The following HSF2 variants were observed in gnomAD, a reference collection of about 807,000 sequenced individuals.
HSF2 encodes heat shock transcription factor 2, also known as heat shock factor protein 2.
HSF2 carries 21 observed loss-of-function variants against 65.0 expected under a neutral mutation model. That is an observed-to-expected ratio of 0.32 (90% confidence interval 0.23 to 0.47). The LOEUF is 0.47. Among genes scored for constraint, HSF2 ranks in the 20% least tolerant of loss-of-function variants. The probability of loss-of-function intolerance (pLI) is 1.00; values close to 1 mark genes in which losing one functional copy is unlikely to be tolerated. For missense variants in HSF2, 499 were observed against 628.1 expected, an observed-to-expected ratio of 0.79 and a Z score of 2.20; for synonymous variants, 225 against 219.1, an observed-to-expected ratio of 1.03 and a Z score of -0.24.
At chr6:122,399,993 G>T (rs531658574) in intron 1 of HSF2, among the ~76,000 whole-genome samples, 163 bp downstream of exon 1, 1 of 152,192 alleles carries the variant, frequency 6.6e-6, no homozygotes, top group Non-Finnish European at 1.5e-5. Flanking sequence ...TGTATTGTTC[G>T]CTCGGGGAGC....
intron 10 of HSF2, among the ~76,000 whole-genome samples, chr6:122,426,322 C>A (rs1774338701): frequency 6.6e-6 from 1 of 152,038 alleles, no homozygotes; most frequent in Non-Finnish European, 1.5e-5. Context: ...GAGGCCTGGC[C>A]TTAGAATTCA....
chr6:122,431,684 G>GT (rs3085253), intron 12 of HSF2, among the ~76,000 whole-genome samples, 170 bp downstream of exon 12: 64,198 of 149,026 alleles, frequency 0.43, 13,899 homozygotes, highest in East Asian at 0.5. Flanking sequence ...AATTCTTTAA[G>GT]TTTTTTTTTT....
At chr6:122,428,630 C>G (rs917288255) in intron 11 of HSF2, among the ~76,000 whole-genome samples, 6 of 151,742 alleles carry the variant, frequency 4.0e-5, no homozygotes, top group Non-Finnish European at 7.4e-5. Flanking sequence ...TTTATTTGTA[C>G]CAAATTGTTT....
chr6:122,430,127 C>T (rs1046110898), intron 11 of HSF2, among the ~76,000 whole-genome samples: 5 of 152,052 alleles, frequency 3.3e-5, no homozygotes, highest in South Asian at 2.1e-4. Flanking sequence ...GCTGTGAATC[C>T]GTCTGGTCCT....
At chr6:122,413,102 A>G (rs977997820) in intron 3 of HSF2, among the ~76,000 whole-genome samples, 1 of 152,016 alleles carries the variant, frequency 6.6e-6, no homozygotes, top group Admixed American at 6.6e-5. Context: ...TTTTTAATGC[A>G]TAATATCTTT....
In HSF2 at chr6:122,415,097, A is replaced by T. The variant is rs17259607; in HGVS notation, c.456-1124A>T. 9.6e-3 allele frequency among the ~76,000 whole-genome samples: 1,462 copies of T among 152,328 alleles called. 9 individuals carry two copies. Among genetic ancestry groups the T allele is most frequent in the Non-Finnish European group, 0.016 (1,067 of 68,036 alleles). Reference sequence around the variant, plus strand: ...TTGTGGAGAATAACAAAAGATGGAAAATTAAAGCATTTAATAGGTATTCAG... The same window carrying T: ...TTGTGGAGAATAACAAAAGATGGAATATTAAAGCATTTAATAGGTATTCAG... On this transcript the variant is annotated intron_variant, in intron 4 of 12. Coordinates refer to ENST00000368455, the MANE Select transcript of HSF2 (RefSeq NM_004506.4).
chr6:122,422,841 C>G lies in HSF2; in HGVS notation c.954C>G (p.Gly318=). Residue 318 remains glycine, a synonymous_variant, in exon 9 of 13, where the codon GGC becomes GGG. Transcript: ENST00000368455. Reference sequence around the variant, plus strand: ...AATCCCTAAGTTCAGGCAGTGATGGCAGCAGCCCTCTCATGTCTAGTGCTG... The same window carrying G: ...AATCCCTAAGTTCAGGCAGTGATGGGAGCAGCCCTCTCATGTCTAGTGCTG... ...ARESLSSGSD[G]SSPLMSSAVQ... is the part of the protein sequence containing the mutation. The G allele has an allele frequency of 6.2e-7, 1 of 1,613,732 alleles. No homozygotes were observed. The highest frequency in any genetic ancestry group is 8.5e-7 in the Non-Finnish European group (1 of 1,179,806).
intron 11 of HSF2, 34 bp downstream of exon 11, chr6:122,427,990 G>T: frequency 6.9e-7 from 1 of 1,452,370 alleles, no homozygotes; most frequent in Non-Finnish European, 9.4e-7. Context: ...AGGACCCATA[G>T]CTATAAAAAT....
At chr6:122,408,350 C>A (rs182770323) in intron 1 of HSF2, among the ~76,000 whole-genome samples, 3 of 150,244 alleles carry the variant, frequency 2.0e-5, no homozygotes, top group Non-Finnish European at 4.4e-5. Flanking sequence ...AAAAAAAAAG[C>A]CTTTTGGATT....
intron 10 of HSF2, among the ~76,000 whole-genome samples, chr6:122,427,224 G>C (rs907584725): frequency 6.6e-6 from 1 of 152,060 alleles, no homozygotes; most frequent in African/African-American, 2.4e-5. Context: ...TAAGCTCCTA[G>C]AGAGCAGGAA....
intron 4 of HSF2, among the ~76,000 whole-genome samples, chr6:122,415,599 CA>C (rs1774107068): frequency 6.6e-6 from 1 of 151,258 alleles, no homozygotes; most frequent in Non-Finnish European, 1.5e-5. Flanking sequence ...TTTTTTTAAG[CA>C]AAAAATAATG....
chr6:122,428,022 T>C, intron 11 of HSF2, 66 bp downstream of exon 11: 2 of 960,554 alleles, frequency 2.1e-6, no homozygotes, highest in Admixed American at 4.4e-5. Flanking sequence ...TCCTAATAAG[T>C]AGAGAGCAAT....
intron 5 of HSF2, among the ~76,000 whole-genome samples, 157 bp from the exon 6 acceptor site, chr6:122,419,011 G>A (rs539738805): frequency 1.4e-4 from 21 of 152,270 alleles, no homozygotes; most frequent in African/African-American, 5.1e-4. Flanking sequence ...TCTTTAGACG[G>A]TGGTTCTACG....
At position 122,432,185 on chromosome 6, in the gene HSF2, C is replaced by A; in HGVS notation, c.1576C>A (p.Pro526Thr). The A allele has an allele frequency of 3.7e-6, 6 of 1,613,968 alleles. No individual in the cohort carries two copies. The highest frequency in any genetic ancestry group is 5.1e-6 in the Non-Finnish European group (6 of 1,179,880). Residue 526 changes from proline to threonine, a missense_variant, in exon 13 of 13, where the codon CCT becomes ACT. Physicochemically the swap from Pro to Thr is conservative, Grantham distance 38 (BLOSUM62 -1). Coordinates refer to ENST00000368455, the MANE Select transcript of HSF2 (RefSeq NM_004506.4). The part of the protein sequence containing the change: ...LFYLCELAPA[P>T]LDSDMPLLDS ...TTATTTATGTGAACTTGCTCCTGCA[C>A]CTCTGGATAGTGATATGCCACTTTT... is the stretch of plus-strand genomic sequence containing the variant.
Position 122,410,305 on chromosome 6 carries a change from A to G in HSF2, c.94-2068A>G, listed in dbSNP as rs1007124326. On this transcript the variant is annotated intron_variant, in intron 1 of 12. Coordinates refer to ENST00000368455, the MANE Select transcript of HSF2 (RefSeq NM_004506.4). ...GCATTTGTCTTCCTTTTGTATTTCT[A>G]TAGTTTTAATATTTTTAAAGTTCCT... 1.1e-4 allele frequency among the ~76,000 whole-genome samples: 16 copies of G among 151,754 alleles called. 1 individual carries two copies. Among genetic ancestry groups the G allele is most frequent in the Non-Finnish European group, 8.8e-5 (6 of 67,816 alleles).
At chr6:122,430,460 TA>T (rs1457589553) in intron 11 of HSF2, among the ~76,000 whole-genome samples, 1 of 152,136 alleles carries the variant, frequency 6.6e-6, no homozygotes, top group Non-Finnish European at 1.5e-5. Context: ...TTAGGAAGCC[TA>T]AAAATAAAGA....
intron 1 of HSF2, among the ~76,000 whole-genome samples, chr6:122,403,185 G>C (rs1411124878): frequency 6.6e-6 from 1 of 152,040 alleles, no homozygotes; most frequent in Non-Finnish European, 1.5e-5. Flanking sequence ...TGACAAAATT[G>C]AAAAGGGAAA....
At chr6:122,417,720 G>A (rs187121332) in intron 5 of HSF2, among the ~76,000 whole-genome samples, 11 of 152,284 alleles carry the variant, frequency 7.2e-5, no homozygotes, top group African/African-American at 2.4e-4. Context: ...AGTGTCAACA[G>A]AGAACTGAGA....
At chr6:122,419,294 A>C (rs1164015875) in intron 6 of HSF2, 65 bp downstream of exon 6, 1 of 733,994 alleles carries the variant, frequency 1.4e-6, no homozygotes, top group Non-Finnish European at 2.3e-6. Context: ...GTGTTTAACC[A>C]TGAGTAGCCT....
Sources: allele counts gnomAD v4.1 joint callset (sites outside exome capture counted in the v4.1 genomes callset), GRCh38; gene constraint gnomAD v4.1.1; transcripts MANE v1.5; gene names NCBI Gene and HGNC (gene_info 2026-07-23, HGNC 2026-07-21).